The following NEDD9 variants were observed in gnomAD, a reference collection of about 807,000 sequenced individuals.
NEDD9 encodes the protein neural precursor cell expressed, developmentally down-regulated 9, also known as enhancer of filamentation 1.
Under a neutral mutation model 76.6 loss-of-function variants are expected in NEDD9, and 26 were observed. The ratio of observed to expected loss-of-function variants is 0.34; its 90% CI spans 0.25 to 0.47. The LOEUF (loss-of-function observed/expected upper bound fraction) is 0.47. Among genes scored for constraint, NEDD9 ranks in the 20% least tolerant of loss-of-function variants. The probability of loss-of-function intolerance (pLI) is 1.00; values close to 1 mark genes in which losing one functional copy is unlikely to be tolerated. For missense variants in NEDD9, 937 were observed against 1,058.5 expected (o/e 0.89, Z 1.59); for synonymous variants, 392 against 414.2 (o/e 0.95, Z 0.65).
intron 2 of NEDD9, among the ~76,000 whole-genome samples, chr6:11,195,295 G>T (rs1758263341): frequency 1.3e-5 from 2 of 152,090 alleles, no homozygotes; most frequent in African/African-American, 4.8e-5. Context: ...CACTGTCTTG[G>T]GTTTAAAAAA....
intron 3 of NEDD9, among the ~76,000 whole-genome samples, chr6:11,281,498 C>T (rs1281818896): frequency 1.3e-5 from 2 of 152,182 alleles, no homozygotes; most frequent in Non-Finnish European, 2.9e-5. Context: ...TCTGGAGCTA[C>T]AGCAGTCCCC....
rs1757924007 is a variant in NEDD9 at position 11,184,381 on chromosome 6, A to C, written c.*781T>G. ...TTTTGGAAAACCTCATGACTGAACC[A>C]CTCACAAATGCAGAAGATTGAACAG... is the stretch of plus-strand genomic sequence containing the variant. On this transcript the variant is annotated 3_prime_UTR_variant, in exon 7 of 7. Transcript: ENST00000379446. 1 of 152,102 alleles carries C rather than the reference A, an allele frequency of 6.6e-6. No homozygotes were observed. Among genetic ancestry groups the C allele is most frequent in the East Asian group, 1.9e-4 (1 of 5,192 alleles). 9.4% of individuals were successfully genotyped at this position (152,102 alleles called of 1,614,324 possible).
At chr6:11,196,579 T>A (rs373581025) in intron 2 of NEDD9, among the ~76,000 whole-genome samples, 5 of 152,130 alleles carry the variant, frequency 3.3e-5, no homozygotes, top group African/African-American at 1.2e-4. Flanking sequence ...AGGATGCCTG[T>A]GGTCTTCTGG....
chr6:11,252,187 G>C lies in NEDD9; in HGVS notation c.13-38460C>G, dbSNP rs951742315. 2.0e-5 allele frequency among the ~76,000 whole-genome samples: 3 copies of C among 152,128 alleles called. No homozygotes were observed. The highest frequency in any genetic ancestry group is 7.2e-5 in the African/African-American group (3 of 41,416). On this transcript the variant is annotated intron_variant, in intron 3 of 3. Transcript: ENST00000397378. The surrounding 1 kb of genome is among the most constrained non-coding windows in gnomAD (Gnocchi z 4.3). Reference sequence around the variant, plus strand: ...TTTCATGTCTGTCCTGGGGCTCTTAGCTATGCCAGCAGAGCCCTCTGGAGA... The same window carrying C: ...TTTCATGTCTGTCCTGGGGCTCTTACCTATGCCAGCAGAGCCCTCTGGAGA...
At position 11,262,327 on chromosome 6, in the gene NEDD9, G is replaced by A. The variant is rs920713538; in HGVS notation, c.12+43665C>T. 4.6e-5 allele frequency among the ~76,000 whole-genome samples: 7 copies of A among 152,320 alleles called. No homozygotes were observed. The East Asian group carries it at 7.7e-4, about 17-fold the overall frequency. ...GCAATGTGAAAATTTTGGCAGCTGC[G>A]TTAGTGACAGATTGGTGGCAACATT... On this transcript the variant is annotated intron_variant, in intron 3 of 3. Transcript: ENST00000397378.
At position 11,190,308 on chromosome 6, in the gene NEDD9, G is replaced by A. The variant is rs772719192; in HGVS notation, c.1561C>T (p.Pro521Ser). ...WSLNILAINK[P>S]QNKCDDLDRF... The stretch of plus-strand genomic sequence containing the variant: ...TCCAGATCGTCACACTTGTTCTGGG[G>A]CTTGTTGATGGCCAAGATATTCAGG... The change falls in exon 5 of 7, where the codon CCC (proline) becomes TCC (serine). Residue 521 changes from proline (P) to serine (S), a missense_variant. Transcript: ENST00000379446. This position sits in a 1 kb window ranked among gnomAD's most constrained non-coding sequence, Gnocchi z 5.8. 2 of 1,614,234 alleles carry A rather than the reference G, an allele frequency of 1.2e-6. No homozygotes were observed. The highest frequency in any genetic ancestry group is 1.7e-5 in the Admixed American group (1 of 60,024).
intron 1 of NEDD9, among the ~76,000 whole-genome samples, chr6:11,217,097 T>C (rs1433611957): frequency 6.6e-6 from 1 of 152,182 alleles, no homozygotes; most frequent in African/African-American, 2.4e-5. Context: ...CATCAGCAGG[T>C]AGGAAAAGGC....
intron 1 of NEDD9, among the ~76,000 whole-genome samples, chr6:11,350,046 A>T (rs1442733041): frequency 6.6e-6 from 1 of 152,244 alleles, no homozygotes; most frequent in Non-Finnish European, 1.5e-5. Context: ...CATAGTTCAC[A>T]GTTCTTCAGG....
intron 1 of NEDD9, among the ~76,000 whole-genome samples, chr6:11,365,876 AACT>A (rs1762754755): frequency 6.6e-6 from 1 of 152,116 alleles, no homozygotes; most frequent in Admixed American, 6.5e-5. Flanking sequence ...CTGTAGACCC[AACT>A]ACTCGGGGGG....
chr6:11,287,742 G>A (rs1425960235), intron 3 of NEDD9, among the ~76,000 whole-genome samples: 1 of 152,170 alleles, frequency 6.6e-6, no homozygotes, highest in African/African-American at 2.4e-5. Context: ...GCTTCCAGAT[G>A]GGGTTGGAGT....
At chr6:11,327,267 A>G (rs2113489165) in intron 2 of NEDD9, among the ~76,000 whole-genome samples, 1 of 152,306 alleles carries the variant, frequency 6.6e-6, no homozygotes, top group East Asian at 1.9e-4. Flanking sequence ...ATCTCTCTCC[A>G]CAGTCTTCCT....
At chr6:11,203,975 T>TAAAA (rs59959052) in intron 2 of NEDD9, among the ~76,000 whole-genome samples, 2 of 149,364 alleles carry the variant, frequency 1.3e-5, no homozygotes. Flanking sequence ...ATCTTTTCTT[T>TAAAA]AAAAAAAAAA....
At chr6:11,264,104 T>C (rs1289504855) in intron 3 of NEDD9, among the ~76,000 whole-genome samples, 2 of 152,174 alleles carry the variant, frequency 1.3e-5, no homozygotes, top group Admixed American at 6.5e-5. Context: ...GGAAGGCAGG[T>C]CTGGGGCAAG....
At chr6:11,230,782 A>G (rs181636059) in intron 1 of NEDD9, among the ~76,000 whole-genome samples, 21 of 152,320 alleles carry the variant, frequency 1.4e-4, no homozygotes, top group African/African-American at 4.8e-4. Context: ...CCCAGTGGAG[A>G]AGCAGGTTTC....
At chr6:11,224,553 G>T (rs558265265) in intron 1 of NEDD9, among the ~76,000 whole-genome samples, 1 of 151,952 alleles carries the variant, frequency 6.6e-6, no homozygotes, top group Non-Finnish European at 1.5e-5. Context: ...ACAGGTCCAC[G>T]AACCCATTTC....
At chr6:11,239,751 A>T (rs1251964623) in intron 3 of NEDD9, among the ~76,000 whole-genome samples, 1 of 151,950 alleles carries the variant, frequency 6.6e-6, no homozygotes, top group Non-Finnish European at 1.5e-5. Flanking sequence ...AGTTCGTATT[A>T]AAAAAAATAA....
At chr6:11,367,862 C>T (rs1406074020) in intron 1 of NEDD9, among the ~76,000 whole-genome samples, 1 of 152,204 alleles carries the variant, frequency 6.6e-6, no homozygotes, top group Non-Finnish European at 1.5e-5. Context: ...ACCTTCTACA[C>T]AGCACCCCTT....
At chr6:11,274,672 G>C (rs766453633) in intron 3 of NEDD9, among the ~76,000 whole-genome samples, 1 of 152,138 alleles carries the variant, frequency 6.6e-6, no homozygotes, top group African/African-American at 2.4e-5. Context: ...CCTCAGACCT[G>C]TTAGAATTGC....
intron 2 of NEDD9, among the ~76,000 whole-genome samples, chr6:11,209,299 A>G (rs1758702347): frequency 6.6e-6 from 1 of 152,258 alleles, no homozygotes; most frequent in African/African-American, 2.4e-5. Flanking sequence ...CCTAATGGAT[A>G]AAACGGCCCT....
Sources: allele counts gnomAD v4.1 joint callset (sites outside exome capture counted in the v4.1 genomes callset), GRCh38; gene constraint gnomAD v4.1.1; non-coding constraint Gnocchi (gnomAD v3.1); transcripts MANE v1.5; gene names NCBI Gene and HGNC (gene_info 2026-07-23, HGNC 2026-07-21).